DNAH14: variants seen among roughly 807,000 people sequenced by gnomAD.
The protein encoded by DNAH14 is axonemal beta dynein heavy chain 14.
In DNAH14, 478 loss-of-function variants were observed where a neutral mutation model predicts 520.9. The ratio of observed to expected loss-of-function variants is 0.92; its 90% confidence interval spans 0.85 to 0.99. The LOEUF (loss-of-function observed/expected upper bound fraction) is 0.99, where lower values mean the gene tolerates loss of function less well. DNAH14 is among the 50% of genes least tolerant of loss of function. The probability of loss-of-function intolerance (pLI) is 0.00; values close to 1 mark genes in which losing one functional copy is unlikely to be tolerated. For missense variants in DNAH14, 4,831 were observed against 5,234.5 expected (o/e 0.92, Z 2.38); for synonymous variants, 1,581 against 1,757.2 (o/e 0.90, Z 2.51).
chr1:225,335,236 T>TTGTGTGTATATGCATATACAC (rs1558425134), intron 66 of DNAH14, among the ~76,000 whole-genome samples: 6 of 113,060 alleles, frequency 5.3e-5, no homozygotes, highest in African/African-American at 1.7e-4. Context: ...CATATACACA[T>TTGTGTGTATATGCATATACAC]GTGTACATTG....
chr1:225,094,070 G>A (rs1374529694), intron 21 of DNAH14, among the ~76,000 whole-genome samples: 4 of 152,166 alleles, frequency 2.6e-5, no homozygotes, highest in South Asian at 2.1e-4. Context: ...GCGTTTTACA[G>A]ATTCAGTGCT....
chr1:225,362,241 T>C (rs2095500307), intron 75 of DNAH14, among the ~76,000 whole-genome samples: 2 of 152,168 alleles, frequency 1.3e-5, no homozygotes, highest in Non-Finnish European at 2.9e-5. Flanking sequence ...TAATGATACA[T>C]TAAAAATATT....
chr1:225,256,200 G>C (rs75272866), intron 44 of DNAH14, among the ~76,000 whole-genome samples: 7,468 of 152,234 alleles, frequency 0.049, 286 homozygotes, highest in Non-Finnish European at 0.073. Flanking sequence ...AAAACAATGT[G>C]TAAAAATAAT....
intron 81 of DNAH14, among the ~76,000 whole-genome samples, chr1:225,385,251 G>A (rs1184750241): frequency 1.3e-5 from 2 of 152,132 alleles, no homozygotes; most frequent in Non-Finnish European, 2.9e-5. Context: ...AGCTATTTAT[G>A]ACAAACCCAC....
In DNAH14 at chr1:225,276,013, A is replaced by G. The variant is rs1272836259; in HGVS notation, c.8110A>G (p.Ser2704Gly). ...THRKKIYQNTSDYNKLASVLD... is the reference protein window; with the variant it reads ...THRKKIYQNTGDYNKLASVLD... ...TAGAAAAAAGATTTATCAGAATACC[A>G]GTGACTATAATAAACTTGCCAGTGT... The change falls in exon 53 of 86, where the codon AGT (serine) becomes GGT (glycine). Residue 2704 changes from serine to glycine, a missense_variant. Ser to Gly is a moderately conservative substitution (Grantham distance 56). Transcript: ENST00000682510. The G allele has an allele frequency of 2.4e-6, 1 of 412,816 alleles. No individual in the cohort carries two copies. The highest frequency in any genetic ancestry group is 4.8e-6 in the Non-Finnish European group (1 of 206,340). The allele number at this position is 412,816 out of a possible 1,614,324, so 25.6% of individuals were successfully genotyped here. A position where few individuals can be genotyped will look rare whatever the true frequency, so the allele number is the denominator to read the frequency against.
chr1:225,320,036 A>G (rs570849002), intron 61 of DNAH14, among the ~76,000 whole-genome samples: 2 of 152,214 alleles, frequency 1.3e-5, no homozygotes, highest in Non-Finnish European at 2.9e-5. Context: ...ACTTTGTTCC[A>G]GAAGGTTCTA....
intron 41 of DNAH14, among the ~76,000 whole-genome samples, chr1:225,214,348 A>G (rs1048598898): frequency 2.0e-5 from 3 of 152,098 alleles, no homozygotes; most frequent in Admixed American, 6.6e-5. Flanking sequence ...ATGTTCATCA[A>G]GGATATTGGT....
rs1453827735 is a variant in DNAH14 at position 225,274,819 on chromosome 1, G to A, written c.8011-1095G>A. 2.6e-5 allele frequency among the ~76,000 whole-genome samples: 4 copies of A among 152,130 alleles called. No individual in the cohort carries two copies. The East Asian group carries it at 7.7e-4, about 29-fold the overall frequency. On this transcript the variant is annotated intron_variant, in intron 52 of 85. Coordinates refer to ENST00000682510, the MANE Select transcript of DNAH14 (RefSeq NM_001367479.1). ...ACCAAATCTTTCTTAAGGATGTAAG[G>A]ATTTAAATTATTCCTGTGAGAATTT... is the stretch of plus-strand genomic sequence containing the variant.
At position 224,971,362 on chromosome 1, in the gene DNAH14, CTT is replaced by C. The variant is rs896086709; in HGVS notation, c.767+2496_767+2497del. Among the ~76,000 whole-genome samples, 3 of 151,164 alleles carry C rather than the reference CTT, an allele frequency of 2.0e-5. No individual in the cohort carries two copies. The South Asian group carries it at 6.3e-4, about 32-fold the overall frequency. On this transcript the variant is annotated intron_variant, in intron 7 of 85. Coordinates refer to ENST00000682510, the MANE Select transcript of DNAH14 (RefSeq NM_001367479.1). ...CTTAAATAACTAAGGACCTGAGAAA[CTT>C]TTTTTTTGTAAGAGAAGAAGGATTT...
intron 21 of DNAH14, 99 bp from the exon 22 acceptor site, chr1:225,097,019 A>G: frequency 2.0e-6 from 2 of 987,050 alleles, no homozygotes; most frequent in Middle Eastern, 3.5e-4. Context: ...CTGTATGTCA[A>G]TGACTGATAA....
rs550792770 is a variant in DNAH14, at chr1:225,154,791, T to G, written c.5273+965T>G. On this transcript the variant is annotated intron_variant, in intron 34 of 85. Coordinates refer to ENST00000682510, the MANE Select transcript of DNAH14 (RefSeq NM_001367479.1). ...TACGGAAGATCTTTAAAACTAAGAC[T>G]CTAAATCTAGAAGCCACAAAAAAAA... 8.6e-5 allele frequency among the ~76,000 whole-genome samples: 13 copies of G among 151,718 alleles called. No individual in the cohort carries two copies. In the South Asian group the frequency reaches 2.7e-3, roughly 32 times the overall value.
At chr1:224,969,648 C>T (rs75170178) in intron 7 of DNAH14, 9,760 of 267,568 alleles carry the variant, frequency 0.036, 536 homozygotes, top group Admixed American at 0.13. Context: ...TCAGGGACCC[C>T]GAACGGAGGG....
chr1:225,188,155 G>C (rs55738724), intron 37 of DNAH14, among the ~76,000 whole-genome samples: 19,368 of 151,786 alleles, frequency 0.13, 1,372 homozygotes, highest in East Asian at 0.31. Context: ...TAGTCTCCCT[G>C]TATTCATGGT....
intron 54 of DNAH14, among the ~76,000 whole-genome samples, chr1:225,286,340 G>T (rs942281243): frequency 1.8e-4 from 28 of 151,966 alleles, no homozygotes; most frequent in African/African-American, 6.8e-4. Flanking sequence ...TGTTTGAGGT[G>T]ATTAATGTAT....
chr1:225,207,574 G>A (rs1480106), intron 41 of DNAH14, among the ~76,000 whole-genome samples: 47,865 of 151,932 alleles, frequency 0.32, 8,722 homozygotes, highest in East Asian at 0.61. Context: ...ACACAAAGGC[G>A]TAATCATGAA....
chr1:225,302,204 T>A (rs987776785), intron 56 of DNAH14, among the ~76,000 whole-genome samples: 7 of 150,582 alleles, frequency 4.6e-5, no homozygotes, highest in African/African-American at 1.7e-4. Flanking sequence ...TAACAAATAA[T>A]AAAGGCACAC....
intron 8 of DNAH14, among the ~76,000 whole-genome samples, chr1:224,978,335 A>T (rs2062014125): frequency 6.6e-6 from 1 of 152,248 alleles, no homozygotes; most frequent in African/African-American, 2.4e-5. Context: ...GAAAAAAAAG[A>T]TTAAATTCAG....
At chr1:225,082,872 A>C (rs1035517551) in intron 20 of DNAH14, 133 bp downstream of exon 20, 3 of 682,280 alleles carry the variant, frequency 4.4e-6, no homozygotes, top group Non-Finnish European at 7.2e-6. Flanking sequence ...ATAATAGTAC[A>C]TTTGTAGAAT....
chr1:225,169,483 G>A (rs2082377532), intron 36 of DNAH14, among the ~76,000 whole-genome samples: 1 of 152,202 alleles, frequency 6.6e-6, no homozygotes, highest in Non-Finnish European at 1.5e-5. Flanking sequence ...CACGGCACGA[G>A]AACGATGTGA....
Sources: allele counts gnomAD v4.1 joint callset (sites outside exome capture counted in the v4.1 genomes callset), GRCh38; gene constraint gnomAD v4.1.1; transcripts MANE v1.5; gene names NCBI Gene and HGNC (gene_info 2026-07-23, HGNC 2026-07-21).